The following ENPP3 variants were observed in gnomAD, a reference collection of about 807,000 sequenced individuals.
The protein encoded by ENPP3 is ectonucleotide pyrophosphatase/phosphodiesterase 3.
A neutral mutation model predicts 117.8 loss-of-function variants in ENPP3; 104 were observed. The observed-to-expected ratio is 0.88, with a 90% CI of 0.75 to 1.04. The LOEUF (loss-of-function observed/expected upper bound fraction) is 1.04, where lower values mean the gene tolerates loss of function less well. ENPP3 is among the 50% of genes least tolerant of loss of function. The pLI, the probability that ENPP3 is intolerant of heterozygous loss-of-function variation, is 0.00. For synonymous variants in ENPP3, 380 were observed against 349.9 expected (o/e 1.09, Z -0.96); for missense variants, 1,026 against 1,051.9 (o/e 0.98, Z 0.34).
chr6:131,652,777 G>A (rs2114317824), intron 4 of ENPP3, 54 bp from the exon 5 acceptor site: 11 of 1,589,414 alleles, frequency 6.9e-6, no homozygotes, highest in Admixed American at 1.7e-5. Context: ...AGAATCTTTA[G>A]TTACTCTGTC....
chr6:131,646,502 C>G (rs1239402978), intron 2 of ENPP3, among the ~76,000 whole-genome samples: 3 of 151,984 alleles, frequency 2.0e-5, no homozygotes, highest in Non-Finnish European at 4.4e-5. Flanking sequence ...TGTCTGTTGT[C>G]TCTGTGATGA....
intron 15 of ENPP3, among the ~76,000 whole-genome samples, chr6:131,701,884 G>GAA (rs1170025527): frequency 1.1e-3 from 103 of 96,924 alleles, no homozygotes; most frequent in Middle Eastern, 6.4e-3. Flanking sequence ...TCTGTCTCCA[G>GAA]AAAAAAAAAA....
intron 16 of ENPP3, 33 bp from the exon 17 acceptor site, chr6:131,720,259 T>G (rs1779985626): frequency 1.5e-6 from 2 of 1,311,576 alleles, no homozygotes; most frequent in East Asian, 2.4e-5. Flanking sequence ...TTGGATGACA[T>G]CTAATAATAA....
intron 11 of ENPP3, among the ~76,000 whole-genome samples, chr6:131,681,564 A>G (rs967499053): frequency 6.6e-6 from 1 of 152,166 alleles, no homozygotes; most frequent in Non-Finnish European, 1.5e-5. Flanking sequence ...ACTTTATATT[A>G]GTTCCATGAT....
chr6:131,685,908 G>A lies in ENPP3; in HGVS notation c.1284+1G>A, dbSNP rs1241030888. The A allele has an allele frequency of 1.1e-6, 1 of 911,046 alleles. No homozygotes were observed. The highest frequency in any genetic ancestry group is 1.8e-6 in the Non-Finnish European group (1 of 570,796). The allele number at this position is 911,046 out of a possible 1,614,324, so 56.4% of individuals were successfully genotyped here. On this transcript the variant is annotated splice_donor_variant, in intron 14 of 24. Transcript: ENST00000357639. LOFTEE classifies it high-confidence loss of function. The stretch of plus-strand genomic sequence containing the variant: ...TGAGGAAATTGTTAGAAACCTCAGT[G>A]TAAGTATACAATACTCTTAATACAT...
At chr6:131,729,546 G>T in intron 20 of ENPP3, among the ~76,000 whole-genome samples, 1 of 152,148 alleles carries the variant, frequency 6.6e-6, no homozygotes, top group Middle Eastern at 3.2e-3. Context: ...CTGAGTGTCT[G>T]AATTATATTT....
intron 14 of ENPP3, among the ~76,000 whole-genome samples, chr6:131,691,466 G>A (rs373197289): frequency 4.6e-5 from 7 of 151,918 alleles, no homozygotes; most frequent in African/African-American, 1.7e-4. Flanking sequence ...GTGGATGCCT[G>A]TAATCCCAGC....
At chr6:131,668,897 A>G (rs1562439807) in intron 6 of ENPP3, among the ~76,000 whole-genome samples, 2 of 152,184 alleles carry the variant, frequency 1.3e-5, no homozygotes, top group Non-Finnish European at 2.9e-5. Context: ...CTTTCTGTAG[A>G]CTTTCTTCAG....
intron 1 of ENPP3, among the ~76,000 whole-genome samples, chr6:131,640,995 A>G (rs1056321763): frequency 6.6e-6 from 1 of 152,164 alleles, no homozygotes; most frequent in Non-Finnish European, 1.5e-5. Flanking sequence ...TATGTTAAAT[A>G]TTATTATCAT....
chr6:131,700,580 C>T (rs1779502451), intron 15 of ENPP3: 3 of 1,470,994 alleles, frequency 2.0e-6, no homozygotes, highest in Non-Finnish European at 2.7e-6. Flanking sequence ...TGTGAAACAG[C>T]AGGAGATATT....
At position 131,685,424 on chromosome 6, in the gene ENPP3, A is replaced by C. The variant is rs767659647; in HGVS notation, c.1181A>C (p.Asn394Thr). Residue 394 changes from asparagine (N) to threonine (T), a missense_variant, in exon 13 of 25, where the codon AAC (asparagine) becomes ACC (threonine). Asn to Thr is a moderately conservative substitution (Grantham distance 65). Transcript: ENST00000357639. ...EYMTDYFPRINFFYMYEGPAP... is the reference protein window; with the variant it reads ...EYMTDYFPRITFFYMYEGPAP... ...ATGACTGATTATTTTCCCAGAATAA[A>C]CTTCTTCTACATGTACGAAGGGCCT... 2 of 1,613,384 alleles carry C rather than the reference A, an allele frequency of 1.2e-6. No individual in the cohort carries two copies. The highest frequency in any genetic ancestry group is 1.7e-6 in the Non-Finnish European group (2 of 1,179,294).
intron 2 of ENPP3, among the ~76,000 whole-genome samples, chr6:131,648,546 C>T (rs1390135712): frequency 6.6e-6 from 1 of 152,042 alleles, no homozygotes; most frequent in East Asian, 1.9e-4. Context: ...TTATTTATCA[C>T]TTCATCTGCA....
chr6:131,663,465 T>C (rs1190811420), intron 6 of ENPP3, among the ~76,000 whole-genome samples: 2 of 149,568 alleles, frequency 1.3e-5, no homozygotes, highest in South Asian at 2.1e-4. Context: ...GGAAGGAGGA[T>C]TGCTTGAGCC....
intron 11 of ENPP3, among the ~76,000 whole-genome samples, chr6:131,679,035 T>C (rs1357400542): frequency 5.7e-4 from 60 of 105,360 alleles, no homozygotes; most frequent in African/African-American, 2.7e-3. Flanking sequence ...CCTTCTTTCT[T>C]TCTTTCTTTC....
At chr6:131,638,813 T>A (rs79703741) in intron 1 of ENPP3, among the ~76,000 whole-genome samples, 4,050 of 151,776 alleles carry the variant, frequency 0.027, 94 homozygotes, top group Middle Eastern at 0.1. Context: ...TTTTTTTTTT[T>A]AATTTTATTA....
intron 15 of ENPP3, among the ~76,000 whole-genome samples, chr6:131,716,121 T>G (rs1779883202): frequency 1.3e-5 from 2 of 152,192 alleles, no homozygotes; most frequent in Admixed American, 6.5e-5. Flanking sequence ...AGCCTTGATT[T>G]CAACTGTGTT....
intron 20 of ENPP3, among the ~76,000 whole-genome samples, chr6:131,731,419 T>C (rs530147816): frequency 6.6e-6 from 1 of 152,220 alleles, no homozygotes; most frequent in African/African-American, 2.4e-5. Flanking sequence ...AGGATACTTC[T>C]AATCTGACTC....
Position 131,658,410 on chromosome 6 carries a change from C to G in ENPP3, c.552C>G (p.Ile184Met), listed in dbSNP as rs1400316791. Residue 184 changes from isoleucine (I) to methionine (M), a missense_variant, in exon 6 of 25, where the codon ATC becomes ATG. Transcript: ENST00000357639. ...LYTWDTLMPN[I>M]NKLKTCGIHS... ...CATGGGATACTTTAATGCCAAATAT[C>G]AATAAACTGAGTAAGTCTTCTGTAA... The G allele has an allele frequency of 5.3e-6, 8 of 1,521,442 alleles. No homozygotes were observed. Among genetic ancestry groups the G allele is most frequent in the Non-Finnish European group, 7.3e-6 (8 of 1,096,222 alleles). 94.2% of individuals were successfully genotyped at this position (1,521,442 alleles called of 1,614,324 possible). A position where few individuals can be genotyped will look rare whatever the true frequency, so the allele number is the denominator to read the frequency against.
At position 131,658,457 on chromosome 6, in the gene ENPP3, A is replaced by T. The variant is rs779364483; in HGVS notation, c.562+37A>T. ...GTAACTAGTGGCATGCAAATGATAA[A>T]GACACCTAGTTAGTCAATCTCTAGA... On this transcript the variant is annotated intron_variant, in intron 6 of 24. Transcript: ENST00000357639. 2.8e-6 allele frequency: 3 copies of T among 1,087,152 alleles called. No individual in the cohort carries two copies. The East Asian group carries it at 7.1e-5, about 26-fold the overall frequency. 67.3% of individuals were successfully genotyped at this position (1,087,152 alleles called of 1,614,324 possible). A position where few individuals can be genotyped will look rare whatever the true frequency, so the allele number is the denominator to read the frequency against.
Sources: gnomAD v4.1 joint callset for allele counts (sites outside exome capture counted in the v4.1 genomes callset) on GRCh38, gnomAD v4.1.1 for gene constraint, MANE v1.5 for transcripts, NCBI Gene and HGNC (gene_info 2026-07-23, HGNC 2026-07-21) for gene names.